The following RBM47 variants were observed in gnomAD, a reference collection of about 807,000 sequenced individuals.
RBM47 encodes RNA binding motif protein 47.
In RBM47, 21 loss-of-function variants were observed where a neutral mutation model predicts 47.1. The ratio of observed to expected loss-of-function variants is 0.45; its 90% CI spans 0.32 to 0.64. The LOEUF is 0.64. Among genes scored for constraint, RBM47 ranks in the 30% least tolerant of loss-of-function variants. RBM47 has a pLI of 0.05. For synonymous variants in RBM47, 375 were observed against 361.7 expected, an observed-to-expected ratio of 1.04 and a Z score of -0.42; for missense variants, 708 against 870.9, an observed-to-expected ratio of 0.81 and a Z score of 2.35.
At chr4:40,478,371 T>G (rs978889577) in intron 2 of RBM47, among the ~76,000 whole-genome samples, 1 of 152,136 alleles carries the variant, frequency 6.6e-6, no homozygotes, top group Admixed American at 6.6e-5. Flanking sequence ...CCTGGAGGAG[T>G]GATCCTTTGT....
chr4:40,481,000 C>T (rs1378458997), intron 2 of RBM47, among the ~76,000 whole-genome samples: 3 of 152,018 alleles, frequency 2.0e-5, no homozygotes, highest in Non-Finnish European at 4.4e-5. Flanking sequence ...GATATATTTC[C>T]TCCTGAGCCA....
chr4:40,528,945 AAAAAAAATAAAT>A lies in RBM47; in HGVS notation c.-155+15465_-155+15476del, dbSNP rs1182669504. On this transcript the variant is annotated intron_variant, in intron 2 of 6. Transcript: ENST00000295971. ...GCGACAGAGCGAGACTCCGTCTCAA[AAAAAAAATAAAT>A]AAATAAATAAATAAATAAATAAATA... Among the ~76,000 whole-genome samples, 91 of 92,374 alleles carry A rather than the reference AAAAAAAATAAAT, an allele frequency of 9.9e-4. 1 individual carries two copies. The highest frequency in any genetic ancestry group is 9.4e-4 in the South Asian group (3 of 3,176). The allele number at this position is 92,374 out of a possible 152,430, so 60.6% of individuals were successfully genotyped here. A position where few individuals can be genotyped will look rare whatever the true frequency, so the allele number is the denominator to read the frequency against.
chr4:40,543,630 C>A (rs1728749408), intron 2 of RBM47: 1 of 151,990 alleles, frequency 6.6e-6, no homozygotes, highest in African/African-American at 2.4e-5. Context: ...CCCATCTCGA[C>A]TAAAAATACA....
chr4:40,507,331 T>G (rs1724243721), intron 2 of RBM47, among the ~76,000 whole-genome samples: 1 of 139,456 alleles, frequency 7.2e-6, no homozygotes, highest in South Asian at 2.1e-4. Flanking sequence ...AATTCTCACT[T>G]GAAATTCACC....
At chr4:40,435,296 C>T (rs1712147599) in intron 5 of RBM47, among the ~76,000 whole-genome samples, 1 of 152,138 alleles carries the variant, frequency 6.6e-6, no homozygotes, top group African/African-American at 2.4e-5. Flanking sequence ...TGCCTGTAAT[C>T]CCAGCACTTT....
At chr4:40,625,906 A>C (rs1190288881) in intron 1 of RBM47, among the ~76,000 whole-genome samples, 1 of 152,188 alleles carries the variant, frequency 6.6e-6, no homozygotes, top group Non-Finnish European at 1.5e-5. Context: ...TCAGGGTTAC[A>C]CTAGCACTCT....
rs142168676 is a variant in RBM47, at chr4:40,423,596, T to C, written c.*2308A>G. On this transcript the variant is annotated 3_prime_UTR_variant, in exon 7 of 7. Transcript: ENST00000295971. ...TAATTGGCCATGTCACCAATGTTTGTTTTTAAGGGAGTTTGGTGGTTGCCA... is the reference window on the plus strand; with the variant it reads ...TAATTGGCCATGTCACCAATGTTTGCTTTTAAGGGAGTTTGGTGGTTGCCA... 1 of 152,266 alleles carries C rather than the reference T, an allele frequency of 6.6e-6. No homozygotes were observed. The highest frequency in any genetic ancestry group is 1.9e-4 in the East Asian group (1 of 5,186). The allele number at this position is 152,266 out of a possible 1,614,324, so 9.4% of individuals were successfully genotyped here. A position where few individuals can be genotyped will look rare whatever the true frequency, so the allele number is the denominator to read the frequency against.
At chr4:40,622,553 G>A (rs1737360458) in intron 1 of RBM47, among the ~76,000 whole-genome samples, 2 of 152,258 alleles carry the variant, frequency 1.3e-5, no homozygotes, top group African/African-American at 4.8e-5. Flanking sequence ...GAAAGTTTTC[G>A]GCAGGGGACT....
At position 40,535,371 on chromosome 4, in the gene RBM47, C is replaced by CTTTTTTTTTTTTTTTTTTTTTTTT. The variant is rs1177127352; in HGVS notation, c.-155+9050_-155+9051insAAAAAAAAAAAAAAAAAAAAAAAA. 1.2e-4 allele frequency among the ~76,000 whole-genome samples: 12 copies of CTTTTTTTTTTTTTTTTTTTTTTTT among 103,456 alleles called. 1 individual carries two copies. The highest frequency in any genetic ancestry group is 2.2e-4 in the African/African-American group (5 of 23,078). 67.9% of individuals were successfully genotyped at this position (103,456 alleles called of 152,430 possible). Reference sequence around the variant, plus strand: ...TTCATACCAGCCTGGTATGGTATTTCTTTTTTTTTTTTTTTTTTTGAGACG... The same window carrying CTTTTTTTTTTTTTTTTTTTTTTTT: ...TTCATACCAGCCTGGTATGGTATTTCTTTTTTTTTTTTTTTTTTTTTTTTTTTTTTTTTTTTTTTTTTTGAGACG... On this transcript the variant is annotated intron_variant, in intron 2 of 6. Transcript: ENST00000295971.
chr4:40,432,665 G>A lies in RBM47; in HGVS notation c.1528C>T (p.Pro510Ser). The part of the protein sequence containing the change: ...AAAVIPTVST[P>S]PPFQGRPITP... ...AAGAACTCTACCTGGAAAGGTGGTG[G>A]CGTCGACACAGTGGGAATGACAGCG... The change falls in exon 6 of 7, where the codon CCA (proline) becomes TCA (serine). Residue 510 changes from proline to serine, a missense_variant. Physicochemically the swap from Pro to Ser is moderately conservative, Grantham distance 74 (BLOSUM62 -1). Coordinates refer to ENST00000295971, the MANE Select transcript of RBM47 (RefSeq NM_001098634.2). 1 of 1,610,060 alleles carries A rather than the reference G, an allele frequency of 6.2e-7. No homozygotes were observed. The highest frequency in any genetic ancestry group is 8.5e-7 in the Non-Finnish European group (1 of 1,179,358).
chr4:40,506,335 C>T (rs1281283447), intron 2 of RBM47, among the ~76,000 whole-genome samples: 1 of 152,184 alleles, frequency 6.6e-6, no homozygotes, highest in African/African-American at 2.4e-5. Context: ...AAGTAAGAGT[C>T]CGGTTCCGTT....
At chr4:40,534,055 T>A (rs1159947640) in intron 2 of RBM47, among the ~76,000 whole-genome samples, 1 of 151,796 alleles carries the variant, frequency 6.6e-6, no homozygotes, top group African/African-American at 2.4e-5. Flanking sequence ...CCTCAGGTGA[T>A]CCACATGCCT....
intron 1 of RBM47, among the ~76,000 whole-genome samples, chr4:40,577,185 A>T (rs1187016287): frequency 1.3e-5 from 2 of 152,156 alleles, no homozygotes; most frequent in Admixed American, 1.3e-4. Flanking sequence ...TTGCTTCCTC[A>T]AATAGCCTTC....
chr4:40,432,984 A>T (rs1339092615), intron 5 of RBM47, 122 bp from the exon 6 acceptor site: 4 of 1,368,794 alleles, frequency 2.9e-6, no homozygotes, highest in Non-Finnish European at 2.9e-6. Context: ...TTTTTGAGAC[A>T]GGGTCTCACT....
chr4:40,437,090 A>AAAATATATAT (rs1256296949), intron 4 of RBM47, among the ~76,000 whole-genome samples: 3 of 49,804 alleles, frequency 6.0e-5, no homozygotes, highest in Non-Finnish European at 3.3e-5. Context: ...AAAAAAAAAA[A>AAAATATATAT]ATATATATAT....
intron 1 of RBM47, among the ~76,000 whole-genome samples, chr4:40,594,191 A>G (rs79283937): frequency 0.014 from 2,105 of 152,286 alleles, 46 homozygotes; most frequent in African/African-American, 0.048. Flanking sequence ...GTATAGGAAT[A>G]AGAAAGACAA....
At chr4:40,572,848 TCAC>T (rs1048348558) in intron 1 of RBM47, among the ~76,000 whole-genome samples, 6 of 151,766 alleles carry the variant, frequency 4.0e-5, no homozygotes, top group Non-Finnish European at 5.9e-5. Context: ...ATATTAAAAT[TCAC>T]CACAAAATTG....
At chr4:40,530,165 A>G (rs2154259168) in intron 2 of RBM47, among the ~76,000 whole-genome samples, 1 of 151,802 alleles carries the variant, frequency 6.6e-6, no homozygotes, top group East Asian at 2.0e-4. Context: ...GGAACTCCCG[A>G]CCTCAGGTGA....
At chr4:40,578,256 C>T (rs955213105) in intron 1 of RBM47, among the ~76,000 whole-genome samples, 15 of 151,678 alleles carry the variant, frequency 9.9e-5, no homozygotes, top group Non-Finnish European at 1.5e-4. Context: ...TTCTGTTGTT[C>T]TGTCTCCTGT....
Sources: allele counts gnomAD v4.1 joint callset (sites outside exome capture counted in the v4.1 genomes callset), GRCh38; gene constraint gnomAD v4.1.1; transcripts MANE v1.5; gene names NCBI Gene and HGNC (gene_info 2026-07-23, HGNC 2026-07-21).